CTNNA3: variants seen among roughly 807,000 people sequenced by gnomAD.
CTNNA3 encodes the protein catenin alpha 3.
A neutral mutation model predicts 95.7 loss-of-function variants in CTNNA3; 76 were observed. The ratio of observed to expected loss-of-function variants is 0.79; its 90% CI spans 0.66 to 0.96. The LOEUF is 0.96. Ranked by LOEUF, CTNNA3 falls within the 40% of genes least tolerant of loss-of-function variation. CTNNA3 has a pLI of 0.00. For synonymous variants in CTNNA3, 431 were observed against 374.4 expected, an observed-to-expected ratio of 1.15 and a Z score of -1.74; for missense variants, 1,191 against 1,089.8, an observed-to-expected ratio of 1.09 and a Z score of -1.31.
intron 6 of CTNNA3, among the ~76,000 whole-genome samples, chr10:67,209,255 G>T (rs1455200899): frequency 6.6e-6 from 1 of 152,028 alleles, no homozygotes; most frequent in Admixed American, 6.6e-5. Context: ...CACTATGTTG[G>T]CCAGGCTGGT....
At chr10:66,084,367 T>C (rs1277612824) in intron 14 of CTNNA3, among the ~76,000 whole-genome samples, 4 of 151,796 alleles carry the variant, frequency 2.6e-5, no homozygotes, top group African/African-American at 4.8e-5. Flanking sequence ...CATACACCTA[T>C]CATGTATCCA....
intron 7 of CTNNA3, among the ~76,000 whole-genome samples, chr10:66,851,245 G>A (rs116737239): frequency 6.6e-6 from 1 of 152,010 alleles, no homozygotes; most frequent in African/African-American, 2.4e-5. Flanking sequence ...CATCTCACCA[G>A]AAATGCCCAT....
At chr10:67,283,923 A>G (rs1473780135) in intron 5 of CTNNA3, among the ~76,000 whole-genome samples, 1 of 152,218 alleles carries the variant, frequency 6.6e-6, no homozygotes. Context: ...AAAAATGGAT[A>G]ATGTATCTTT....
chr10:66,782,642 C>G (rs960809476), intron 7 of CTNNA3, among the ~76,000 whole-genome samples: 15 of 152,000 alleles, frequency 9.9e-5, no homozygotes, highest in African/African-American at 3.4e-4. Context: ...TCATTTGTAT[C>G]TACTATAACA....
At position 67,255,544 on chromosome 10, in the gene CTNNA3, T is replaced by C. The variant is rs77561130; in HGVS notation, c.580-35674A>G. 5.4e-3 allele frequency among the ~76,000 whole-genome samples: 816 copies of C among 152,318 alleles called. 6 individuals are homozygous for C. The highest frequency in any genetic ancestry group is 9.1e-3 in the Non-Finnish European group (619 of 68,028). ...GGTGCTTACTGCTATACCCGCTTTA[T>C]AGCTATTAAATACTTTAATCCTTCT... On this transcript the variant is annotated intron_variant, in intron 5 of 17. Transcript: ENST00000433211.
In CTNNA3 at chr10:67,582,517, GAGA is replaced by G. The variant is rs1211515021; in HGVS notation, c.292+24337_292+24339del. Among the ~76,000 whole-genome samples the G allele has an allele frequency of 2.6e-5, 4 of 152,130 alleles. No homozygotes were observed. The East Asian group carries it at 7.7e-4, about 29-fold the overall frequency. ...TTTGTAATAAGTGCGATGTGGTGCTGAGAAGAATGTATATTCTGTTGGTTTGGG... is the reference window on the plus strand; with the variant it reads ...TTTGTAATAAGTGCGATGTGGTGCTGAGAATGTATATTCTGTTGGTTTGGG... On this transcript the variant is annotated intron_variant, in intron 3 of 17. Coordinates refer to ENST00000433211, the MANE Select transcript of CTNNA3 (RefSeq NM_013266.4).
chr10:66,010,039 G>A (rs1359237458), intron 15 of CTNNA3, among the ~76,000 whole-genome samples: 1 of 152,152 alleles, frequency 6.6e-6, no homozygotes, highest in East Asian at 1.9e-4. Flanking sequence ...AAGATGGAAG[G>A]AAGAAAAAGG....
chr10:66,360,785 CTTCCTTCCT>C, intron 12 of CTNNA3, among the ~76,000 whole-genome samples: 1 of 43,148 alleles, frequency 2.3e-5, no homozygotes. Context: ...TTCTTTCTTT[CTTCCTTCCT>C]TCCTTCCTTC....
chr10:67,050,280 C>A (rs1428582825), intron 7 of CTNNA3, among the ~76,000 whole-genome samples: 1 of 152,210 alleles, frequency 6.6e-6, no homozygotes, highest in Non-Finnish European at 1.5e-5. Context: ...AAATATCAAA[C>A]AATTTACATA....
intron 11 of CTNNA3, among the ~76,000 whole-genome samples, chr10:66,487,523 G>A (rs917820477): frequency 1.3e-5 from 2 of 151,660 alleles, no homozygotes; most frequent in Non-Finnish European, 2.9e-5. Context: ...CACTGTGCCC[G>A]GCCTAAAAGG....
chr10:67,392,014 A>C (rs1410463993), intron 5 of CTNNA3, among the ~76,000 whole-genome samples: 6 of 151,938 alleles, frequency 3.9e-5, no homozygotes, highest in Non-Finnish European at 5.9e-5. Flanking sequence ...TCATGTCTAA[A>C]ACACCAAAAG....
At chr10:66,042,762 T>A (rs1176662543) in intron 15 of CTNNA3, among the ~76,000 whole-genome samples, 1 of 150,014 alleles carries the variant, frequency 6.7e-6, no homozygotes, top group African/African-American at 2.5e-5. Context: ...TAGCCAGGTG[T>A]GGTGGTGCAT....
rs1395361787 is a variant in CTNNA3 at position 66,360,915 on chromosome 10, CTT to C, written c.1732+18235_1732+18236del. Among the ~76,000 whole-genome samples the C allele has an allele frequency of 1.3e-4, 15 of 113,864 alleles. No homozygotes were observed. In the South Asian group the frequency reaches 3.7e-3, roughly 28 times the overall value. 74.7% of individuals were successfully genotyped at this position (113,864 alleles called of 152,430 possible). ...TTTATTTCTTTCTCTCTCTCTCTCTCTTTCTTCCTTTCTGTCTCTCTCTCTCT... is the reference window on the plus strand; with the variant it reads ...TTTATTTCTTTCTCTCTCTCTCTCTCTCTTCCTTTCTGTCTCTCTCTCTCT... On this transcript the variant is annotated intron_variant, in intron 12 of 17. Coordinates refer to ENST00000433211, the MANE Select transcript of CTNNA3 (RefSeq NM_013266.4).
rs1045537957 is a variant in CTNNA3, at chr10:66,897,275, C to T, written c.1048-121751G>A. On this transcript the variant is annotated intron_variant, in intron 7 of 17. Transcript: ENST00000433211. ...AAAGATGTGTGTGTGTATGTGTGTA[C>T]ATATATATATTTTAAACCAAAAATT... 3.3e-5 allele frequency among the ~76,000 whole-genome samples: 5 copies of T among 151,652 alleles called. 1 individual carries two copies. Among genetic ancestry groups the T allele is most frequent in the South Asian group, 4.2e-4 (2 of 4,812 alleles).
chr10:67,642,547 G>A (rs565108936), intron 2 of CTNNA3, among the ~76,000 whole-genome samples: 16 of 152,120 alleles, frequency 1.1e-4, no homozygotes, highest in Non-Finnish European at 1.9e-4. Context: ...GTGAAACCCC[G>A]TGTCTACTAA....
chr10:66,084,902 A>T (rs1320673037), intron 14 of CTNNA3: 1 of 152,084 alleles, frequency 6.6e-6, no homozygotes, highest in Non-Finnish European at 1.5e-5. Flanking sequence ...ATCTTATAGG[A>T]TAGGAGAACA....
In CTNNA3 at chr10:67,294,879, G is replaced by A. The variant is rs148474232; in HGVS notation, c.580-75009C>T. 2.6e-4 allele frequency among the ~76,000 whole-genome samples: 40 copies of A among 152,280 alleles called. No homozygotes were observed. In the East Asian group the frequency reaches 7.5e-3, roughly 29 times the overall value. ...AGCCCTAATTTTTGTTCAGTAATTG[G>A]TAGGTACAGTTCTAATTCTTGCTAA... On this transcript the variant is annotated intron_variant, in intron 5 of 17. Transcript: ENST00000433211.
intron 9 of CTNNA3, among the ~76,000 whole-genome samples, chr10:66,749,773 G>T (rs535092803): frequency 6.6e-6 from 1 of 152,280 alleles, no homozygotes; most frequent in South Asian, 2.1e-4. Flanking sequence ...GTTTAGTTTT[G>T]TAAGAAACTG....
At chr10:66,468,063 T>G (rs1838991203) in intron 11 of CTNNA3, among the ~76,000 whole-genome samples, 1 of 152,058 alleles carries the variant, frequency 6.6e-6, no homozygotes, top group African/African-American at 2.4e-5. Context: ...AACGTATAAC[T>G]ATTATACTAT....
Sources: allele counts gnomAD v4.1 joint callset (sites outside exome capture counted in the v4.1 genomes callset), GRCh38; gene constraint gnomAD v4.1.1; transcripts MANE v1.5; gene names NCBI Gene and HGNC (gene_info 2026-07-23, HGNC 2026-07-21).